Variants in CSMD1 observed in about 807,000 individuals in gnomAD.
CSMD1 encodes CUB and Sushi multiple domains 1.
CSMD1 carries 213 observed loss-of-function variants against 417.5 expected under a neutral mutation model. The observed-to-expected ratio is 0.51, with a 90% CI of 0.46 to 0.57. The LOEUF (loss-of-function observed/expected upper bound fraction) is 0.57, where lower values mean the gene tolerates loss of function less well. Ranked by LOEUF, CSMD1 falls within the 20% of genes least tolerant of loss-of-function variation. The pLI, the probability that CSMD1 is intolerant of heterozygous loss-of-function variation, is 0.00. For missense variants in CSMD1, 6,923 were observed against 4,529.7 expected, an observed-to-expected ratio of 1.53 and a Z score of -15.17; for synonymous variants, 2,862 against 1,736.8, an observed-to-expected ratio of 1.65 and a Z score of -16.11.
At chr8:3,378,383 C>T (rs936864089) in intron 18 of CSMD1, among the ~76,000 whole-genome samples, 1 of 152,274 alleles carries the variant, frequency 6.6e-6, no homozygotes, top group South Asian at 2.1e-4. Flanking sequence ...AGGGACTCCT[C>T]CCTAACTCAT....
At chr8:4,781,072 G>A (rs17071320) in intron 1 of CSMD1, among the ~76,000 whole-genome samples, 15,125 of 151,996 alleles carry the variant, frequency 0.1, 956 homozygotes, top group East Asian at 0.33. Context: ...TCTGTGTCCC[G>A]CCGTCTTGTT....
intron 37 of CSMD1, among the ~76,000 whole-genome samples, chr8:3,173,769 C>T (rs530747636): frequency 6.6e-6 from 1 of 152,046 alleles, no homozygotes; most frequent in Non-Finnish European, 1.5e-5. Flanking sequence ...CTCATGTTCA[C>T]CAAAATTCCA....
intron 5 of CSMD1, among the ~76,000 whole-genome samples, chr8:3,763,740 G>C (rs1400766864): frequency 6.6e-6 from 1 of 152,162 alleles, no homozygotes; most frequent in Non-Finnish European, 1.5e-5. Flanking sequence ...ACAGAAACTA[G>C]ATAAGTGAGG....
At chr8:3,814,462 T>G (rs935622623) in intron 5 of CSMD1, among the ~76,000 whole-genome samples, 1 of 152,180 alleles carries the variant, frequency 6.6e-6, no homozygotes, top group African/African-American at 2.4e-5. Context: ...AAATAATGAT[T>G]TGCACACTCC....
At chr8:4,038,856 T>C (rs1184662430) in intron 3 of CSMD1, among the ~76,000 whole-genome samples, 1 of 152,198 alleles carries the variant, frequency 6.6e-6, no homozygotes, top group African/African-American at 2.4e-5. Context: ...ACATCAGGGC[T>C]TGAAACTTGA....
intron 6 of CSMD1, among the ~76,000 whole-genome samples, chr8:3,709,933 AG>A (rs79953440): frequency 1 from 150,921 of 150,950 alleles, 75,446 homozygotes; most frequent in Middle Eastern, 1. Flanking sequence ...GAAGCATACA[AG>A]GGGTTGGGGC....
intron 1 of CSMD1, among the ~76,000 whole-genome samples, chr8:4,961,313 G>A (rs1258451645): frequency 2.0e-5 from 3 of 151,814 alleles, no homozygotes; most frequent in Admixed American, 6.6e-5. Flanking sequence ...TTATTCCACC[G>A]AAGACCTCAC....
At chr8:4,060,589 T>C (rs940219849) in intron 3 of CSMD1, among the ~76,000 whole-genome samples, 1 of 152,202 alleles carries the variant, frequency 6.6e-6, no homozygotes. Context: ...AAGGTCATTC[T>C]GGGTTTCGGA....
chr8:4,391,887 C>T (rs888792493), intron 3 of CSMD1, among the ~76,000 whole-genome samples: 2 of 152,146 alleles, frequency 1.3e-5, no homozygotes, highest in African/African-American at 4.8e-5. Context: ...CAGCTTCTGC[C>T]GAGAGCTTCT....
At chr8:3,932,170 T>A (rs1810196768) in intron 5 of CSMD1, among the ~76,000 whole-genome samples, 1 of 150,318 alleles carries the variant, frequency 6.7e-6, no homozygotes, top group Non-Finnish European at 1.5e-5. Flanking sequence ...ACTCAGATAT[T>A]CCTAACTGTA....
At chr8:3,969,228 T>TAAATAAA (rs1391164835) in intron 5 of CSMD1, among the ~76,000 whole-genome samples, 22 of 152,260 alleles carry the variant, frequency 1.4e-4, no homozygotes, top group African/African-American at 4.8e-4. Flanking sequence ...CCAGCCTGGG[T>TAAATAAA]GACAGAGTGA....
chr8:4,643,174 G>A (rs569927618), intron 1 of CSMD1, among the ~76,000 whole-genome samples: 10 of 152,236 alleles, frequency 6.6e-5, no homozygotes, highest in South Asian at 4.1e-4. Flanking sequence ...TTTTTATCCC[G>A]TTTGCAAAAA....
At chr8:3,560,826 G>A (rs1799438153) in intron 10 of CSMD1, among the ~76,000 whole-genome samples, 1 of 152,100 alleles carries the variant, frequency 6.6e-6, no homozygotes, top group Non-Finnish European at 1.5e-5. Context: ...TTATCCTTCT[G>A]TAACACAATG....
At chr8:4,461,334 T>C (rs182994261) in intron 2 of CSMD1, among the ~76,000 whole-genome samples, 1 of 151,862 alleles carries the variant, frequency 6.6e-6, no homozygotes, top group Non-Finnish European at 1.5e-5. Flanking sequence ...CAAATTCTAT[T>C]CCACAGCATA....
At chr8:3,439,653 T>A (rs1814841326) in intron 12 of CSMD1, among the ~76,000 whole-genome samples, 1 of 152,108 alleles carries the variant, frequency 6.6e-6, no homozygotes, top group African/African-American at 2.4e-5. Context: ...TTCATTTTGA[T>A]AAGGTAATAA....
At chr8:3,941,795 T>C (rs576898455) in intron 5 of CSMD1, among the ~76,000 whole-genome samples, 5 of 151,294 alleles carry the variant, frequency 3.3e-5, no homozygotes, top group South Asian at 2.1e-4. Flanking sequence ...TTTTCCTCTG[T>C]TCCCTCATAC....
chr8:4,892,003 A>C (rs1296256924), intron 1 of CSMD1, among the ~76,000 whole-genome samples: 2 of 152,076 alleles, frequency 1.3e-5, no homozygotes, highest in Admixed American at 1.3e-4. Context: ...GCTCTTAAAC[A>C]CTGTAATGAG....
chr8:4,845,676 T>C (rs73659210), intron 1 of CSMD1, among the ~76,000 whole-genome samples: 2 of 152,098 alleles, frequency 1.3e-5, no homozygotes, highest in East Asian at 1.9e-4. Context: ...AGATGTGTAA[T>C]ATTTTGACAA....
At chr8:3,867,047 G>A (rs1010761661) in intron 5 of CSMD1, among the ~76,000 whole-genome samples, 4 of 152,104 alleles carry the variant, frequency 2.6e-5, no homozygotes, top group African/African-American at 9.7e-5. Flanking sequence ...TTGTAGAATT[G>A]CTATTTAGTT....
Sources: gnomAD v4.1 joint callset for allele counts (sites outside exome capture counted in the v4.1 genomes callset) on GRCh38, gnomAD v4.1.1 for gene constraint, MANE v1.5 for transcripts, NCBI Gene and HGNC (gene_info 2026-07-23, HGNC 2026-07-21) for gene names.